MAF: variants seen among roughly 807,000 people sequenced by gnomAD.
The protein encoded by MAF is MAF bZIP transcription factor.
Under a neutral mutation model 22.0 loss-of-function variants are expected in MAF, and 10 were observed. That is an observed-to-expected ratio of 0.45 (90% CI 0.28 to 0.77). The LOEUF (loss-of-function observed/expected upper bound fraction) is 0.77. MAF is among the 30% of genes least tolerant of loss of function. The pLI, the probability that MAF is intolerant of heterozygous loss-of-function variation, is 0.12. For synonymous variants in MAF, 337 were observed against 255.8 expected, an observed-to-expected ratio of 1.32 and a Z score of -3.03; for missense variants, 544 against 548.4, an observed-to-expected ratio of 0.99 and a Z score of 0.08.
chr16:79,269,747 C>A, the MAF span, among the ~76,000 whole-genome samples: 1 of 152,038 alleles, frequency 6.6e-6, no homozygotes, highest in African/African-American at 2.4e-5. Context: ...TCATGCAAAT[C>A]GCCCTGAGTG....
the MAF span, among the ~76,000 whole-genome samples, chr16:79,486,056 G>C: frequency 4.6e-5 from 7 of 152,148 alleles, no homozygotes; most frequent in Non-Finnish European, 1.0e-4. Context: ...GAAAATAAAA[G>C]GTCAAAAGAG....
chr16:79,301,186 T>C, the MAF span, among the ~76,000 whole-genome samples: 1 of 152,082 alleles, frequency 6.6e-6, no homozygotes, highest in Admixed American at 6.5e-5. Context: ...AGGTGTCAGA[T>C]TTGTTTTCCT....
the MAF span, among the ~76,000 whole-genome samples, chr16:79,531,956 G>A: frequency 1.1e-4 from 16 of 152,248 alleles, no homozygotes; most frequent in South Asian, 2.1e-4. Flanking sequence ...TCTGGGGACC[G>A]TGGGAACTCC....
At chr16:79,222,309 G>T in the MAF span, among the ~76,000 whole-genome samples, 2 of 152,210 alleles carry the variant, frequency 1.3e-5, no homozygotes, top group South Asian at 2.1e-4. Flanking sequence ...TCACCACCAG[G>T]CCTGTCTTAC....
chr16:79,322,712 G>C, the MAF span, among the ~76,000 whole-genome samples: 17 of 152,094 alleles, frequency 1.1e-4, no homozygotes, highest in Non-Finnish European at 1.6e-4. Context: ...ATCTAGCCGG[G>C]GTCAAGGTGG....
At chr16:79,577,485 G>A in the MAF span, among the ~76,000 whole-genome samples, 1 of 152,132 alleles carries the variant, frequency 6.6e-6, no homozygotes, top group Non-Finnish European at 1.5e-5. Context: ...TCTATTCATT[G>A]TTACAGGTCA....
At chr16:79,344,041 A>G in the MAF span, among the ~76,000 whole-genome samples, 2 of 152,214 alleles carry the variant, frequency 1.3e-5, no homozygotes, top group Admixed American at 1.3e-4. Context: ...TCTGCATTCA[A>G]AAGAAACTCT....
At chr16:79,574,501 C>T in the MAF span, among the ~76,000 whole-genome samples, 5 of 152,190 alleles carry the variant, frequency 3.3e-5, no homozygotes, top group South Asian at 2.1e-4. Flanking sequence ...ACCTCAAAAT[C>T]GTCTATGCAT....
the MAF span, among the ~76,000 whole-genome samples, chr16:79,250,741 C>G: frequency 6.6e-6 from 1 of 152,150 alleles, no homozygotes; most frequent in African/African-American, 2.4e-5. Flanking sequence ...ATAATAAATT[C>G]GTTTGAGAAA....
At chr16:79,590,741 G>A (rs1005091843), downstream of MAF, among the ~76,000 whole-genome samples, 3 of 152,020 alleles carry the variant, frequency 2.0e-5, no homozygotes, top group African/African-American at 7.3e-5. Flanking sequence ...GCTGACCCCT[G>A]GTGACTGGAG....
the MAF span, among the ~76,000 whole-genome samples, chr16:79,323,216 T>C: frequency 9.4e-6 from 1 of 106,352 alleles, no homozygotes; most frequent in Non-Finnish European, 1.9e-5. Context: ...ATGATAAGAG[T>C]TCAACAGAAA....
At chr16:79,347,585 G>T in the MAF span, among the ~76,000 whole-genome samples, 1 of 152,346 alleles carries the variant, frequency 6.6e-6, no homozygotes, top group African/African-American at 2.4e-5. Flanking sequence ...CATGCACCGA[G>T]CGGGGAACAA....
At chr16:79,237,924 C>A in the MAF span, among the ~76,000 whole-genome samples, 1 of 152,116 alleles carries the variant, frequency 6.6e-6, no homozygotes, top group Non-Finnish European at 1.5e-5. Context: ...GCTCAGCATC[C>A]CATCATGGTG....
chr16:79,338,727 C>T, the MAF span, among the ~76,000 whole-genome samples: 33 of 152,138 alleles, frequency 2.2e-4, 1 homozygote, highest in Non-Finnish European at 4.4e-5. Context: ...TCTATACACT[C>T]GCGACACTTC....
At chr16:79,505,187 C>A in the MAF span, among the ~76,000 whole-genome samples, 131 of 152,176 alleles carry the variant, frequency 8.6e-4, no homozygotes, top group African/African-American at 2.9e-3. Flanking sequence ...TGCTGCTTCA[C>A]AAAATTTTGT....
rs1176513888 is a variant in MAF at position 79,599,927 on chromosome 16, G to T, written c.-25C>A. ...TTCTCCTGCCGCCGCCGCCGCCGCCGCCGCCGCTCCGCCAGATGGGCTGCA... is the reference window on the plus strand; with the variant it reads ...TTCTCCTGCCGCCGCCGCCGCCGCCTCCGCCGCTCCGCCAGATGGGCTGCA... On this transcript the variant is annotated 5_prime_UTR_variant, in exon 1 of 2. Coordinates refer to ENST00000326043, the MANE Select transcript of MAF (RefSeq NM_005360.5). The T allele has an allele frequency of 6.3e-7, 1 of 1,593,062 alleles. No individual in the cohort carries two copies. The highest frequency in any genetic ancestry group is 1.7e-5 in the Admixed American group (1 of 59,940).
the MAF span, among the ~76,000 whole-genome samples, chr16:79,346,866 A>G: frequency 1.8e-4 from 27 of 152,336 alleles, no homozygotes; most frequent in South Asian, 8.3e-4. Context: ...GAGAATTGGC[A>G]GATGATGCTG....
chr16:79,469,621 G>A, the MAF span, among the ~76,000 whole-genome samples: 1 of 152,014 alleles, frequency 6.6e-6, no homozygotes, highest in East Asian at 1.9e-4. Context: ...TTCTGAGACA[G>A]AGTCTCACTC....
the MAF span, among the ~76,000 whole-genome samples, chr16:79,236,592 A>G: frequency 1.1e-4 from 16 of 152,070 alleles, no homozygotes; most frequent in African/African-American, 3.9e-4. Flanking sequence ...TAAGACACAG[A>G]AGGGGCTCAG....
Sources: allele counts gnomAD v4.1 joint callset (sites outside exome capture counted in the v4.1 genomes callset), GRCh38; gene constraint gnomAD v4.1.1; transcripts MANE v1.5; gene names NCBI Gene and HGNC (gene_info 2026-07-23, HGNC 2026-07-21).